The following BICC1 variants were observed in gnomAD, a reference collection of about 807,000 sequenced individuals.
The protein encoded by BICC1 is BicC family RNA binding protein 1, also known as protein bicaudal C homolog 1.
Under a neutral mutation model 111.0 loss-of-function variants are expected in BICC1, and 43 were observed. That is an observed-to-expected ratio of 0.39 (90% CI 0.30 to 0.50). The LOEUF is 0.50. Ranked by LOEUF, BICC1 falls within the 20% of genes least tolerant of loss-of-function variation. BICC1 has a pLI of 0.88. For synonymous variants in BICC1, 467 were observed against 434.4 expected, an observed-to-expected ratio of 1.07 and a Z score of -0.93; for missense variants, 1,091 against 1,203.2, an observed-to-expected ratio of 0.91 and a Z score of 1.38.
chr10:58,812,195 A>G (rs1434881350), intron 17 of BICC1, among the ~76,000 whole-genome samples: 1 of 706 alleles, frequency 1.4e-3, no homozygotes, highest in Non-Finnish European at 2.6e-3. Flanking sequence ...AAGTGAGCAG[A>G]CTTGGGGTAT....
intron 18 of BICC1, among the ~76,000 whole-genome samples, chr10:58,817,054 C>G (rs1408247007): frequency 6.6e-6 from 1 of 151,984 alleles, no homozygotes; most frequent in Non-Finnish European, 1.5e-5. Flanking sequence ...GACCTTGCTA[C>G]CCAGTTATAT....
chr10:58,535,965 TAAAAAAAAAA>T (rs200404524), intron 1 of BICC1, among the ~76,000 whole-genome samples: 1 of 134,382 alleles, frequency 7.4e-6, no homozygotes. Flanking sequence ...GCAACAATAG[TAAAAAAAAAA>T]AAGACAAGGT....
chr10:58,776,328 A>G (rs939423240), intron 3 of BICC1, among the ~76,000 whole-genome samples: 1 of 152,226 alleles, frequency 6.6e-6, no homozygotes, highest in Non-Finnish European at 1.5e-5. Context: ...AAAAGGAACA[A>G]TCTGCCCTGG....
chr10:58,804,893 C>A (rs1330450171), intron 15 of BICC1, among the ~76,000 whole-genome samples: 1 of 152,190 alleles, frequency 6.6e-6, no homozygotes, highest in South Asian at 2.1e-4. Context: ...TGAAAATGAT[C>A]TGTATCTCCT....
chr10:58,637,257 T>C (rs955832362), intron 2 of BICC1, among the ~76,000 whole-genome samples: 2 of 152,316 alleles, frequency 1.3e-5, no homozygotes, highest in East Asian at 3.9e-4. Context: ...TGTAATAGGA[T>C]AGTTGGTTGC....
At chr10:58,606,200 A>G (rs60961726) in intron 1 of BICC1, among the ~76,000 whole-genome samples, 2 of 152,080 alleles carry the variant, frequency 1.3e-5, no homozygotes, top group Non-Finnish European at 2.9e-5. Flanking sequence ...TCTATATTCA[A>G]TCCCCAGTTA....
At chr10:58,759,984 AG>A (rs1281550278) in intron 3 of BICC1, among the ~76,000 whole-genome samples, 2 of 143,954 alleles carry the variant, frequency 1.4e-5, no homozygotes, top group Admixed American at 7.0e-5. Context: ...AAAAAAAAAA[AG>A]AAGACAGCAA....
Position 58,554,095 on chromosome 10 carries a change from A to G in BICC1, c.190+40762A>G, listed in dbSNP as rs1843374777. 2.0e-5 allele frequency among the ~76,000 whole-genome samples: 3 copies of G among 152,114 alleles called. No individual in the cohort carries two copies. The South Asian group carries it at 6.2e-4, about 32-fold the overall frequency. ...ATTGAAAATGAATTACATTTTCTCA[A>G]GGTCATTTAAAATGAACTGATTCTT... On this transcript the variant is annotated intron_variant, in intron 1 of 20. Transcript: ENST00000373886.
At chr10:58,613,096 A>AT (rs1845486148) in intron 1 of BICC1, among the ~76,000 whole-genome samples, 1 of 152,250 alleles carries the variant, frequency 6.6e-6, no homozygotes, top group African/African-American at 2.4e-5. Context: ...TATAATAAAC[A>AT]TAAAAAATGA....
chr10:58,689,364 T>C (rs1839848859), intron 2 of BICC1, among the ~76,000 whole-genome samples: 1 of 152,202 alleles, frequency 6.6e-6, no homozygotes, highest in Non-Finnish European at 1.5e-5. Context: ...ACGTGCCTAT[T>C]GGTAAACCAA....
intron 1 of BICC1, among the ~76,000 whole-genome samples, chr10:58,523,673 T>C (rs1842453776): frequency 6.6e-6 from 1 of 152,136 alleles, no homozygotes; most frequent in Non-Finnish European, 1.5e-5. Context: ...TCACCACTCC[T>C]ATTCAACATA....
At chr10:58,775,895 C>T (rs1589127622) in intron 3 of BICC1, among the ~76,000 whole-genome samples, 1 of 152,266 alleles carries the variant, frequency 6.6e-6, no homozygotes, top group South Asian at 2.1e-4. Flanking sequence ...GCTTGAAACA[C>T]AGTCTTTAGC....
At chr10:58,773,807 G>T (rs1000568804) in intron 3 of BICC1, among the ~76,000 whole-genome samples, 2 of 152,184 alleles carry the variant, frequency 1.3e-5, no homozygotes, top group African/African-American at 2.4e-5. Context: ...TGTTACGAGG[G>T]TACTGTTCTG....
chr10:58,587,537 G>A (rs576570225), intron 1 of BICC1, among the ~76,000 whole-genome samples: 122 of 152,286 alleles, frequency 8.0e-4, no homozygotes, highest in Non-Finnish European at 1.3e-3. Context: ...AAGTATTCTT[G>A]AGGAATTCAT....
intron 1 of BICC1, among the ~76,000 whole-genome samples, chr10:58,569,266 G>C (rs748866501): frequency 6.6e-6 from 1 of 152,062 alleles, no homozygotes; most frequent in Non-Finnish European, 1.5e-5. Flanking sequence ...ACAGTTTCCT[G>C]GAAGTTCTTC....
intron 3 of BICC1, among the ~76,000 whole-genome samples, chr10:58,763,407 G>A (rs556559448): frequency 6.6e-6 from 1 of 152,258 alleles, no homozygotes; most frequent in Non-Finnish European, 1.5e-5. Context: ...CAAAGAACAA[G>A]TTAAATGTGA....
chr10:58,707,343 G>T (rs894540513), intron 3 of BICC1, among the ~76,000 whole-genome samples: 2 of 152,088 alleles, frequency 1.3e-5, no homozygotes, highest in Admixed American at 1.3e-4. Flanking sequence ...TAACATAGTT[G>T]TACTTAAAGG....
chr10:58,542,737 C>T (rs896843887), intron 1 of BICC1, among the ~76,000 whole-genome samples: 2 of 151,762 alleles, frequency 1.3e-5, no homozygotes, highest in Non-Finnish European at 2.9e-5. Flanking sequence ...AGCCAACAAA[C>T]ATGAAAATAT....
At position 58,789,611 on chromosome 10, in the gene BICC1, G is replaced by A. The variant is rs1564614563; in HGVS notation, c.796-71G>A. ...GTATTTTTCCATAGCTGTTAGAAAT[G>A]CAATAGAATCTTTCCCCGTATATGA... On this transcript the variant is annotated intron_variant, in intron 7 of 20. Transcript: ENST00000373886. 5 of 1,566,400 alleles carry A rather than the reference G, an allele frequency of 3.2e-6. No homozygotes were observed. The East Asian group carries it at 9.0e-5, about 28-fold the overall frequency.
Sources: allele counts gnomAD v4.1 joint callset (sites outside exome capture counted in the v4.1 genomes callset), GRCh38; gene constraint gnomAD v4.1.1; transcripts MANE v1.5; gene names NCBI Gene and HGNC (gene_info 2026-07-23, HGNC 2026-07-21).